Variants in TOR3A observed in about 807,000 individuals in gnomAD.
The protein encoded by TOR3A is torsin family 3 member A.
TOR3A carries 44 observed loss-of-function variants against 42.1 expected under a neutral mutation model. The observed-to-expected ratio is 1.04, with a 90% CI of 0.82 to 1.34. The LOEUF is 1.34. TOR3A is among the 40% of genes most tolerant of loss of function. TOR3A has a pLI of 0.00. For missense variants in TOR3A, 521 were observed against 507.6 expected (o/e 1.03, Z -0.25); for synonymous variants, 227 against 213.2 (o/e 1.06, Z -0.57).
rs1374447956 is a variant in TOR3A, at chr1:179,095,797, G to A, written c.*579G>A. 2.0e-6 allele frequency: 2 copies of A among 987,714 alleles called. No individual in the cohort carries two copies. Among genetic ancestry groups the A allele is most frequent in the Non-Finnish European group, 2.4e-6 (2 of 831,746 alleles). 61.2% of individuals were successfully genotyped at this position (987,714 alleles called of 1,614,324 possible). On this transcript the variant is annotated 3_prime_UTR_variant, in exon 6 of 6. Transcript: ENST00000367627. ...AGGAAAGCCAAGCTGCTTCTGTTGT[G>A]AGCGAATCAGCCAAGAGCCTGAGGC...
At chr1:179,090,773 A>G (rs1317035307) in intron 4 of TOR3A, among the ~76,000 whole-genome samples, 1 of 152,158 alleles carries the variant, frequency 6.6e-6, no homozygotes, top group Non-Finnish European at 1.5e-5. Flanking sequence ...GGCTGCAGGA[A>G]TGGGCTCACG....
chr1:179,094,297 G>A (rs1425234193), intron 5 of TOR3A, 80 bp downstream of exon 5: 62 of 1,521,784 alleles, frequency 4.1e-5, no homozygotes, highest in Non-Finnish European at 4.4e-5. Context: ...GTGTGTTTAT[G>A]AAGCAGACAG....
chr1:179,088,138 C>T (rs1357969939), intron 4 of TOR3A, 49 bp downstream of exon 4: 1 of 1,498,250 alleles, frequency 6.7e-7, no homozygotes, highest in African/African-American at 1.4e-5. Flanking sequence ...GGGGAAGATA[C>T]TAGCTGGCAG....
At position 179,094,154 on chromosome 1, in the gene TOR3A, C is replaced by G. The variant is rs768246333; in HGVS notation, c.880C>G (p.Arg294Gly). The change falls in exon 5 of 6, where the codon CGG becomes GGG. Residue 294 changes from arginine to glycine, a missense_variant. Transcript: ENST00000367627. ...AAAGTTGCTCAAGGCTGGATGGTCC[C>G]GGGAAGAAATTACGATGGAACACCT... ...VLKLLKAGWSREEITMEHLEP... is the reference protein window; with the variant it reads ...VLKLLKAGWSGEEITMEHLEP... The G allele has an allele frequency of 2.5e-6, 4 of 1,613,996 alleles. No homozygotes were observed. Among genetic ancestry groups the G allele is most frequent in the Non-Finnish European group, 3.4e-6 (4 of 1,179,964 alleles).
chr1:179,094,797 G>C (rs1269213031), intron 5 of TOR3A, among the ~76,000 whole-genome samples, 171 bp from the exon 6 acceptor site: 1 of 152,116 alleles, frequency 6.6e-6, no homozygotes, highest in Non-Finnish European at 1.5e-5. Flanking sequence ...AGGATCCCTT[G>C]AACCTAGGAG....
At chr1:179,085,437 A>G (rs538879520) in intron 2 of TOR3A, 191 bp from the exon 3 acceptor site, 105 of 700,856 alleles carry the variant, frequency 1.5e-4, no homozygotes, top group African/African-American at 1.4e-3. Context: ...AAAAAAAAAA[A>G]AAGAAAGTAG....
At chr1:179,088,282 C>T (rs546134939) in intron 4 of TOR3A, 193 bp downstream of exon 4, 10 of 480,954 alleles carry the variant, frequency 2.1e-5, no homozygotes, top group African/African-American at 1.6e-4. Context: ...CCAAGGCGGC[C>T]GGGTCCCTTG....
In TOR3A at chr1:179,095,780, C is replaced by A. The variant is rs1426878976; in HGVS notation, c.*562C>A. The A allele has an allele frequency of 1.2e-5, 12 of 988,638 alleles. No individual in the cohort carries two copies. In the East Asian group the frequency reaches 1.1e-3, roughly 93 times the overall value. The allele number at this position is 988,638 out of a possible 1,614,324, so 61.2% of individuals were successfully genotyped here. ...CAAATTGGTACTTCCAGAGGAAAGC[C>A]AAGCTGCTTCTGTTGTGAGCGAATC... On this transcript the variant is annotated 3_prime_UTR_variant, in exon 6 of 6. Transcript: ENST00000367627.
In TOR3A at chr1:179,095,962, AGAT is replaced by A. The variant is rs1383529507; in HGVS notation, c.*748_*750del. ...GTCTTGACATGTTTGTTGTATGTAAAGATGATAAGATTAAAATTTTTGATTTTC... is the reference window on the plus strand; with the variant it reads ...GTCTTGACATGTTTGTTGTATGTAAAGATAAGATTAAAATTTTTGATTTTC... On this transcript the variant is annotated 3_prime_UTR_variant, in exon 6 of 6. Coordinates refer to ENST00000367627, the MANE Select transcript of TOR3A (RefSeq NM_022371.4). 21 of 985,234 alleles carry A rather than the reference AGAT, an allele frequency of 2.1e-5. No individual in the cohort carries two copies. Among genetic ancestry groups the A allele is most frequent in the African/African-American group, 8.7e-5 (5 of 57,186 alleles). 61.0% of individuals were successfully genotyped at this position (985,234 alleles called of 1,614,324 possible). A position where few individuals can be genotyped will look rare whatever the true frequency, so the allele number is the denominator to read the frequency against.
chr1:179,084,987 A>G (rs1324984211), intron 2 of TOR3A, among the ~76,000 whole-genome samples: 3 of 152,240 alleles, frequency 2.0e-5, no homozygotes, highest in African/African-American at 7.2e-5. Flanking sequence ...CCCTGAAACC[A>G]AGGGATGGGA....
chr1:179,085,436 A>G lies in TOR3A; in HGVS notation c.374-192A>G, dbSNP rs1424028590. 1.3e-4 allele frequency: 88 copies of G among 696,596 alleles called. 1 individual carries two copies. Among genetic ancestry groups the G allele is most frequent in the African/African-American group, 5.3e-5 (3 of 56,142 alleles). The allele number at this position is 696,596 out of a possible 1,614,324, so 43.2% of individuals were successfully genotyped here. A position where few individuals can be genotyped will look rare whatever the true frequency, so the allele number is the denominator to read the frequency against. ...AGACTCCATCTCAAAAAAAAAAAAA[A>G]AAAGAAAGTAGTCCTTGAATCCCTT... is the stretch of plus-strand genomic sequence containing the variant. On this transcript the variant is annotated intron_variant, in intron 2 of 5. Transcript: ENST00000367627.
At position 179,082,124 on chromosome 1, in the gene TOR3A, C is replaced by A; in HGVS notation, c.-5C>A. The A allele has an allele frequency of 6.7e-7, 1 of 1,485,684 alleles. No homozygotes were observed. Among genetic ancestry groups the A allele is most frequent in the Non-Finnish European group, 8.9e-7 (1 of 1,129,228 alleles). 92.0% of individuals were successfully genotyped at this position (1,485,684 alleles called of 1,614,324 possible). ...GCCGGATGGTCCCGCAGCTCGGGGC[C>A]GGCCATGCTTCGCGGTCCGTGGCGC... On this transcript the variant is annotated 5_prime_UTR_variant, in exon 1 of 6. Coordinates refer to ENST00000367627, the MANE Select transcript of TOR3A (RefSeq NM_022371.4).
chr1:179,089,498 C>T (rs1244846916), intron 4 of TOR3A, among the ~76,000 whole-genome samples: 2 of 152,120 alleles, frequency 1.3e-5, no homozygotes, highest in Non-Finnish European at 2.9e-5. Context: ...AGATCTCTTG[C>T]ATGATTTGGG....
intron 2 of TOR3A, 144 bp downstream of exon 2, chr1:179,083,197 G>A (rs1338869441): frequency 1.9e-6 from 1 of 516,432 alleles, no homozygotes; most frequent in Non-Finnish European, 3.4e-6. Context: ...CTGAAGTTTT[G>A]AGGGAGTACC....
rs1426588280 is a variant in TOR3A, at chr1:179,087,902, C to G, written c.640-9C>G. 1 of 1,565,124 alleles carries G rather than the reference C, an allele frequency of 6.4e-7. No individual in the cohort carries two copies. Among genetic ancestry groups the G allele is most frequent in the East Asian group, 2.3e-5 (1 of 43,852 alleles). ...CCACTTCCCCAGCTGCTCCCTATAT[C>G]CCGTGCAGGAGCAGCTGATGAGCCA... On this transcript the variant is annotated splice_polypyrimidine_tract_variant and intron_variant, in intron 3 of 5. Transcript: ENST00000367627.
At chr1:179,087,806 C>T in intron 3 of TOR3A, 105 bp from the exon 4 acceptor site, 1 of 1,154,800 alleles carries the variant, frequency 8.7e-7, no homozygotes, top group South Asian at 1.8e-5. Flanking sequence ...GGTGGGGAAC[C>T]CAGCCCCAGG....
intron 4 of TOR3A, among the ~76,000 whole-genome samples, chr1:179,090,755 G>A (rs748447466): frequency 6.6e-6 from 1 of 152,172 alleles, no homozygotes; most frequent in South Asian, 2.1e-4. Context: ...CTTCTGCCAA[G>A]TATAGAAGGC....
intron 4 of TOR3A, among the ~76,000 whole-genome samples, chr1:179,088,932 C>G (rs1652505344): frequency 6.6e-6 from 1 of 152,192 alleles, no homozygotes. Flanking sequence ...TTCCCAACTC[C>G]ACTCCGGCCT....
In TOR3A at chr1:179,082,116, C is replaced by G; in HGVS notation, c.-13C>G. ...GGCCGGCAGCCGGATGGTCCCGCAG[C>G]TCGGGGCCGGCCATGCTTCGCGGTC... On this transcript the variant is annotated 5_prime_UTR_variant, in exon 1 of 6. Coordinates refer to ENST00000367627, the MANE Select transcript of TOR3A (RefSeq NM_022371.4). 6.8e-7 allele frequency: 1 copy of G among 1,471,972 alleles called. No individual in the cohort carries two copies. 91.2% of individuals were successfully genotyped at this position (1,471,972 alleles called of 1,614,324 possible).
Sources: allele counts gnomAD v4.1 joint callset (sites outside exome capture counted in the v4.1 genomes callset), GRCh38; gene constraint gnomAD v4.1.1; transcripts MANE v1.5; gene names NCBI Gene and HGNC (gene_info 2026-07-23, HGNC 2026-07-21).